Variants in RSRC1 observed in about 807,000 individuals in gnomAD.
RSRC1 encodes arginine and serine rich coiled-coil 1.
Under a neutral mutation model 49.1 loss-of-function variants are expected in RSRC1, and 39 were observed. That is an observed-to-expected ratio of 0.79 (90% CI 0.61 to 1.04). The LOEUF (loss-of-function observed/expected upper bound fraction) is 1.04, where lower values mean the gene tolerates loss of function less well. RSRC1 is among the 50% of genes least tolerant of loss of function. The pLI, the probability that RSRC1 is intolerant of heterozygous loss-of-function variation, is 0.00. For missense variants in RSRC1, 388 were observed against 402.4 expected (o/e 0.96, Z 0.31); for synonymous variants, 143 against 130.8 (o/e 1.09, Z -0.63).
intron 6 of RSRC1, among the ~76,000 whole-genome samples, chr3:158,355,281 G>C (rs984943383): frequency 2.0e-5 from 3 of 151,504 alleles, no homozygotes; most frequent in Admixed American, 6.6e-5. Context: ...TCTTTTGAAA[G>C]AAAAATTAAA....
At chr3:158,195,207 A>G (rs1401678424) in intron 3 of RSRC1, among the ~76,000 whole-genome samples, 1 of 152,008 alleles carries the variant, frequency 6.6e-6, no homozygotes, top group African/African-American at 2.4e-5. Flanking sequence ...GTGTGAGATG[A>G]TATCTCATTG....
chr3:158,390,130 C>T (rs1733189916), intron 6 of RSRC1, among the ~76,000 whole-genome samples: 1 of 152,178 alleles, frequency 6.6e-6, no homozygotes, highest in African/African-American at 2.4e-5. Context: ...AGAATTCCCT[C>T]TTCTTTGAAC....
At chr3:158,427,145 C>A (rs1437942189) in intron 6 of RSRC1, among the ~76,000 whole-genome samples, 1 of 151,332 alleles carries the variant, frequency 6.6e-6, no homozygotes, top group Non-Finnish European at 1.5e-5. Context: ...ACAATGCAGC[C>A]CTTATTAAGC....
chr3:158,442,351 C>T (rs1736428297), intron 6 of RSRC1, among the ~76,000 whole-genome samples: 1 of 152,126 alleles, frequency 6.6e-6, no homozygotes, highest in African/African-American at 2.4e-5. Context: ...GCTGCTTTAT[C>T]AACTAAGTTT....
chr3:158,375,615 A>G (rs1197069451), intron 6 of RSRC1, among the ~76,000 whole-genome samples: 1 of 152,178 alleles, frequency 6.6e-6, no homozygotes, highest in Non-Finnish European at 1.5e-5. Flanking sequence ...TATAGTAAAT[A>G]ATTATAAATA....
At chr3:158,177,161 TG>T (rs1210811083) in intron 3 of RSRC1, among the ~76,000 whole-genome samples, 4 of 152,190 alleles carry the variant, frequency 2.6e-5, no homozygotes, top group African/African-American at 9.7e-5. Flanking sequence ...GGAGAGGATG[TG>T]GAGAAATAGG....
At chr3:158,203,284 A>T (rs1393605142) in intron 4 of RSRC1, 39 bp downstream of exon 4, 7 of 1,528,586 alleles carry the variant, frequency 4.6e-6, no homozygotes, top group Non-Finnish European at 6.2e-6. Context: ...GGACTTGGTG[A>T]TTCCATGGCG....
intron 3 of RSRC1, among the ~76,000 whole-genome samples, chr3:158,139,364 C>T (rs1443703685): frequency 1.3e-5 from 2 of 151,970 alleles, no homozygotes; most frequent in Non-Finnish European, 2.9e-5. Context: ...TGAGATCGCG[C>T]CACTGCACTC....
intron 6 of RSRC1, among the ~76,000 whole-genome samples, chr3:158,443,710 T>C (rs6441198): frequency 0.53 from 80,126 of 151,982 alleles, 21,699 homozygotes; most frequent in African/African-American, 0.64. Flanking sequence ...GCATTCACAA[T>C]GTGTTGCACT....
intron 5 of RSRC1, among the ~76,000 whole-genome samples, chr3:158,343,208 T>C (rs1336135902): frequency 2.2e-4 from 33 of 152,270 alleles, no homozygotes; most frequent in Non-Finnish European, 8.8e-5. Context: ...AAATAGAGTA[T>C]AAAAACCATC....
intron 5 of RSRC1, among the ~76,000 whole-genome samples, chr3:158,349,659 T>C (rs1255007440): frequency 1.3e-5 from 2 of 151,580 alleles, no homozygotes; most frequent in Non-Finnish European, 2.9e-5. Flanking sequence ...CTTTAAAGAC[T>C]TACACTAAAA....
chr3:158,488,101 A>G (rs2108444333), intron 7 of RSRC1, among the ~76,000 whole-genome samples: 1 of 152,202 alleles, frequency 6.6e-6, no homozygotes. Flanking sequence ...AAACGTGGAC[A>G]CTGACAACCT....
At chr3:158,531,831 T>C (rs1414883187) in intron 7 of RSRC1, among the ~76,000 whole-genome samples, 1 of 151,968 alleles carries the variant, frequency 6.6e-6, no homozygotes, top group Non-Finnish European at 1.5e-5. Flanking sequence ...ATTTGAAACC[T>C]GTGTTCATGA....
intron 6 of RSRC1, among the ~76,000 whole-genome samples, chr3:158,392,300 TAA>T (rs1733352835): frequency 6.6e-6 from 1 of 152,130 alleles, no homozygotes; most frequent in Non-Finnish European, 1.5e-5. Flanking sequence ...CTGTATGTGC[TAA>T]AGAGTTATTA....
intron 4 of RSRC1, among the ~76,000 whole-genome samples, chr3:158,288,217 C>T (rs1726691312): frequency 6.6e-6 from 1 of 152,176 alleles, no homozygotes. Flanking sequence ...TTCGCGCCTC[C>T]TCTTTTCTAT....
At chr3:158,466,613 T>G (rs1737901681) in intron 7 of RSRC1, among the ~76,000 whole-genome samples, 1 of 152,220 alleles carries the variant, frequency 6.6e-6, no homozygotes. Flanking sequence ...CTAGCTTCCT[T>G]TGGCTGAAGT....
intron 4 of RSRC1, among the ~76,000 whole-genome samples, chr3:158,274,217 A>G (rs1725678637): frequency 1.3e-5 from 2 of 152,132 alleles, no homozygotes; most frequent in African/African-American, 4.8e-5. Context: ...TGCTGAGAAC[A>G]TGTTTGGGAT....
chr3:158,287,470 A>G (rs1018059325), intron 4 of RSRC1, among the ~76,000 whole-genome samples: 2 of 152,196 alleles, frequency 1.3e-5, no homozygotes, highest in Non-Finnish European at 2.9e-5. Context: ...TAAACATTAC[A>G]TAAAATCATC....
intron 3 of RSRC1, among the ~76,000 whole-genome samples, chr3:158,191,220 G>A (rs1227661148): frequency 1.3e-5 from 2 of 151,746 alleles, no homozygotes; most frequent in Non-Finnish European, 2.9e-5. Flanking sequence ...TATTGTTATC[G>A]TTTTAGTTGG....
Sources: allele counts gnomAD v4.1 joint callset (sites outside exome capture counted in the v4.1 genomes callset), GRCh38; gene constraint gnomAD v4.1.1; transcripts MANE v1.5; gene names NCBI Gene and HGNC (gene_info 2026-07-23, HGNC 2026-07-21).